Variants in ZNF281 observed in about 807,000 individuals in gnomAD.
The protein encoded by ZNF281 is GC-box-binding zinc finger protein 1.
In ZNF281, 2 loss-of-function variants were observed where a neutral mutation model predicts 58.8. That is an observed-to-expected ratio of 0.03 (90% confidence interval 0.01 to 0.11). The LOEUF is 0.11. Ranked by LOEUF, ZNF281 falls within the 10% of genes least tolerant of loss-of-function variation. The pLI is 1.00. For synonymous variants in ZNF281, 465 were observed against 407.7 expected, an observed-to-expected ratio of 1.14 and a Z score of -1.69; for missense variants, 975 against 1,090.7, an observed-to-expected ratio of 0.89 and a Z score of 1.49.
Position 200,406,332 on chromosome 1 carries a change from T to G in ZNF281, c.*686A>C, listed in dbSNP as rs1654449717. 1 of 152,472 alleles carries G rather than the reference T, an allele frequency of 6.6e-6. No homozygotes were observed. The highest frequency in any genetic ancestry group is 2.1e-4 in the South Asian group (1 of 4,828). The allele number at this position is 152,472 out of a possible 1,614,324, so 9.4% of individuals were successfully genotyped here. On this transcript the variant is annotated 3_prime_UTR_variant, in exon 2 of 2. Transcript: ENST00000367353. ...TATCATTCCAGGCTTTGATCAAAGATCCAAGAATATTTGTTCTACCAGGCT... is the reference window on the plus strand; with the variant it reads ...TATCATTCCAGGCTTTGATCAAAGAGCCAAGAATATTTGTTCTACCAGGCT...
chr1:200,407,319 T>A lies in ZNF281; in HGVS notation c.2387A>T (p.Asn796Ile). 1 of 1,614,092 alleles carries A rather than the reference T, an allele frequency of 6.2e-7. No individual in the cohort carries two copies. Among genetic ancestry groups the A allele is most frequent in the Non-Finnish European group, 8.5e-7 (1 of 1,180,034 alleles). Residue 796 changes from asparagine to isoleucine, a missense_variant, in exon 2 of 2, where the codon AAC becomes ATC. Physicochemically the swap from Asn to Ile is moderately radical, Grantham distance 149 (BLOSUM62 -3). Around this residue, in one of 3 missense-constraint regions of ZNF281, gnomAD observed 579 missense variants for 608.9 expected, o/e 0.95. Transcript: ENST00000367353. ...QKLTSQKEQK[N>I]LESSTGFQIP... is the part of the protein sequence containing the mutation. Reference sequence around the variant, plus strand: ...CTGAAAGCCTGTTGAAGACTCTAAGTTTTTCTGTTCCTTCTGGCTAGTCAA... The same window carrying A: ...CTGAAAGCCTGTTGAAGACTCTAAGATTTTCTGTTCCTTCTGGCTAGTCAA...
At chr1:200,409,907 C>G (rs1654575496) in intron 1 of ZNF281, 39 bp downstream of exon 1, 1 of 781,984 alleles carries the variant, frequency 1.3e-6, no homozygotes, top group Non-Finnish European at 2.0e-6. Context: ...CTTCCCCAGG[C>G]CTCGCCCTCT....
intron 1 of ZNF281, 104 bp downstream of exon 1, chr1:200,409,842 A>T (rs1654574105): frequency 7.5e-7 from 1 of 1,327,958 alleles, no homozygotes; most frequent in Non-Finnish European, 1.0e-6. Context: ...CAACGCGCCC[A>T]GCACTAATTC....
At position 200,406,950 on chromosome 1, in the gene ZNF281, A is replaced by C. The variant is rs1654467651; in HGVS notation, c.*68T>G. On this transcript the variant is annotated 3_prime_UTR_variant, in exon 2 of 2. Transcript: ENST00000367353. The stretch of plus-strand genomic sequence containing the variant: ...TAATAGGATCGTGTAGAAACATTCC[A>C]ATGGCAGTGTTCTCAAAATAAAACA... 4.1e-6 allele frequency: 6 copies of C among 1,448,132 alleles called. No homozygotes were observed. The South Asian group carries it at 6.8e-5, about 16-fold the overall frequency. The allele number at this position is 1,448,132 out of a possible 1,614,324, so 89.7% of individuals were successfully genotyped here.
In ZNF281 at chr1:200,407,001, T is replaced by C. The variant is rs748135498; in HGVS notation, c.*17A>G. ...AAATTACATTAGAAGACCTCCAGCC[T>C]GGCCACTTTTGGGACCTTACCTGTA... On this transcript the variant is annotated 3_prime_UTR_variant, in exon 2 of 2. Transcript: ENST00000367353. 1.9e-6 allele frequency: 3 copies of C among 1,588,638 alleles called. No individual in the cohort carries two copies. Among genetic ancestry groups the C allele is most frequent in the Non-Finnish European group, 1.7e-6 (2 of 1,168,918 alleles).
chr1:200,408,513 T>C lies in ZNF281; in HGVS notation c.1193A>G (p.Asn398Ser), dbSNP rs1401726570. Residue 398 changes from asparagine to serine, a missense_variant, in exon 2 of 2, where the codon AAT becomes AGT. This residue lies in a region of ZNF281 where 579 missense variants were observed against 608.9 expected (regional missense o/e 0.95). Transcript: ENST00000367353. ...MGNLAVLSQG[N>S]TSSSRRKTKS... ...TGTTTTTCTCCTTGAAGAACTTGTA[T>C]TTCCCTGAGACAACACAGCCAGATT... The C allele has an allele frequency of 6.2e-7, 1 of 1,614,124 alleles. No homozygotes were observed. The highest frequency in any genetic ancestry group is 1.3e-5 in the African/African-American group (1 of 74,940).
rs1654579515 is a variant in ZNF281, at chr1:200,410,014, G to A, written c.-87C>T. ...AAATAACGCCGTCCTCTCCACAATG[G>A]AATTAAAAGCCTCCCGTGTACTGCG... is the stretch of plus-strand genomic sequence containing the variant. On this transcript the variant is annotated 5_prime_UTR_variant, in exon 1 of 2. Transcript: ENST00000367353. The A allele has an allele frequency of 5.7e-6, 3 of 524,326 alleles. No individual in the cohort carries two copies. The highest frequency in any genetic ancestry group is 1.0e-5 in the Non-Finnish European group (3 of 295,092). The allele number at this position is 524,326 out of a possible 1,614,324, so 32.5% of individuals were successfully genotyped here.
Position 200,409,382 on chromosome 1 carries a change from G to C in ZNF281, c.324C>G (p.Ala108=). The C allele has an allele frequency of 6.6e-7, 1 of 1,524,376 alleles. No homozygotes were observed. Among genetic ancestry groups the C allele is most frequent in the African/African-American group, 1.4e-5 (1 of 71,816 alleles). 94.4% of individuals were successfully genotyped at this position (1,524,376 alleles called of 1,614,324 possible). The part of the protein sequence containing the change: ...MTFKKEPAAS[A]AAFPSQRTSW... Reference sequence around the variant, plus strand: ...AGGTCCTCTGCGAGGGGAAGGCCGCGGCTGACGCCGCCGGCTCCTTCTTGA... The same window carrying C: ...AGGTCCTCTGCGAGGGGAAGGCCGCCGCTGACGCCGCCGGCTCCTTCTTGA... Residue 108 remains alanine (A), a synonymous_variant, in exon 2 of 2, where the codon GCC becomes GCG. Coordinates refer to ENST00000367353, the MANE Select transcript of ZNF281 (RefSeq NM_001281293.2).
chr1:200,409,940 A>C lies in ZNF281; in HGVS notation c.-19+6T>G. 1 of 478,366 alleles carries C rather than the reference A, an allele frequency of 2.1e-6. No individual in the cohort carries two copies. The highest frequency in any genetic ancestry group is 3.5e-6 in the Non-Finnish European group (1 of 284,902). The allele number at this position is 478,366 out of a possible 1,614,324, so 29.6% of individuals were successfully genotyped here. A position where few individuals can be genotyped will look rare whatever the true frequency, so the allele number is the denominator to read the frequency against. On this transcript the variant is annotated splice_donor_region_variant and intron_variant, in intron 1 of 1. Coordinates refer to ENST00000367353, the MANE Select transcript of ZNF281 (RefSeq NM_001281293.2). Reference sequence around the variant, plus strand: ...TCTCCCTCCTGGACCCACCGGCAATACTTACGGGTCCCGCCGCCGCCGCAG... The same window carrying C: ...TCTCCCTCCTGGACCCACCGGCAATCCTTACGGGTCCCGCCGCCGCCGCAG...
rs1242103203 is a variant in ZNF281 at position 200,408,028 on chromosome 1, T to C, written c.1678A>G (p.Met560Val). Reference sequence around the variant, plus strand: ...TGAATGACAGACTGTTGGGAGACCATGTGTCCTACGTTTATAGAAAAGGCA... The same window carrying C: ...TGAATGACAGACTGTTGGGAGACCACGTGTCCTACGTTTATAGAAAAGGCA... ...NSAFSINVGH[M>V]VSQQSVIQSA... Residue 560 changes from methionine (M) to valine (V), a missense_variant, in exon 2 of 2, where the codon ATG becomes GTG. By Grantham distance (21) the Met-to-Val change is conservative (BLOSUM62 1). Coordinates refer to ENST00000367353, the MANE Select transcript of ZNF281 (RefSeq NM_001281293.2). 1.2e-6 allele frequency: 2 copies of C among 1,614,224 alleles called. No homozygotes were observed. The highest frequency in any genetic ancestry group is 1.7e-6 in the Non-Finnish European group (2 of 1,180,024).
rs1013458489 is a variant in ZNF281 at position 200,409,509 on chromosome 1, G to A, written c.197C>T (p.Pro66Leu). 5.8e-6 allele frequency: 9 copies of A among 1,549,390 alleles called. No individual in the cohort carries two copies. In the Admixed American group the frequency reaches 5.9e-5, roughly 10 times the overall value. ...CGGGGGAGGGGCGGCCGACCCCGCC[G>A]GCCGGGTGAAGCTGGTGACCGGGGG... is the stretch of plus-strand genomic sequence containing the variant. ...RLPPVTSFTR[P>L]AGSAAPPPQC... Residue 66 changes from proline to leucine, a missense_variant, in exon 2 of 2, where the codon CCG becomes CTG. Transcript: ENST00000367353.
chr1:200,409,808 C>T, intron 1 of ZNF281, 85 bp from the exon 2 acceptor site: 1 of 1,452,578 alleles, frequency 6.9e-7, no homozygotes, highest in South Asian at 1.4e-5. Flanking sequence ...CGCTAAGGAC[C>T]CCGCCGCGCC....
In ZNF281 at chr1:200,407,913, T is replaced by A. The variant is rs749404520; in HGVS notation, c.1793A>T (p.Asp598Val). 1 of 1,614,154 alleles carries A rather than the reference T, an allele frequency of 6.2e-7. No homozygotes were observed. Among genetic ancestry groups the A allele is most frequent in the Non-Finnish European group, 8.5e-7 (1 of 1,180,028 alleles). Residue 598 changes from aspartate (D) to valine (V), a missense_variant, in exon 2 of 2, where the codon GAC (aspartate) becomes GTC (valine). Physicochemically the swap from Asp to Val is radical, Grantham distance 152 (BLOSUM62 -3). Around this residue, in one of 3 missense-constraint regions of ZNF281, gnomAD observed 579 missense variants for 608.9 expected, o/e 0.95. Transcript: ENST00000367353. ...AACCTCATCAGGAATTCCAGACTTG[T>A]CATGACAAGATTTAATTTCAGCATT... ...ALNAEIKSCH[D>V]KSGIPDEVLQ...
rs1194022543 is a variant in ZNF281 at position 200,409,080 on chromosome 1, G to A, written c.626C>T (p.Thr209Ile). The change falls in exon 2 of 2, where the codon ACT becomes ATT. Residue 209 changes from threonine (T) to isoleucine (I), a missense_variant. Physicochemically the swap from Thr to Ile is moderately conservative, Grantham distance 89. Transcript: ENST00000367353. Reference sequence around the variant, plus strand: ...ATTAGTGTCCTGCTTTGGCTCCTCAGTGCCATGGTGGTCATCAGTCCTGCT... The same window carrying A: ...ATTAGTGTCCTGCTTTGGCTCCTCAATGCCATGGTGGTCATCAGTCCTGCT... The part of the protein sequence containing the change: ...SSSRTDDHHG[T>I]EEPKQDTNVK... 7 of 1,614,032 alleles carry A rather than the reference G, an allele frequency of 4.3e-6. No homozygotes were observed. The highest frequency in any genetic ancestry group is 5.1e-6 in the Non-Finnish European group (6 of 1,180,034).
At position 200,408,922 on chromosome 1, in the gene ZNF281, T is replaced by C. The variant is rs1338507519; in HGVS notation, c.784A>G (p.Ile262Val). 1.2e-6 allele frequency: 2 copies of C among 1,614,128 alleles called. No homozygotes were observed. Among genetic ancestry groups the C allele is most frequent in the South Asian group, 1.1e-5 (1 of 91,086 alleles). Residue 262 changes from isoleucine (I) to valine (V), a missense_variant, in exon 2 of 2, where the codon ATC (isoleucine) becomes GTC (valine). Transcript: ENST00000367353. ...AILSPSQKPH[I>V]CDHCSAAFRS... The stretch of plus-strand genomic sequence containing the variant: ...AAAGCAGCACTACAGTGATCACAGA[T>C]ATGAGGTTTCTGACTTGGGGAGAGG...
Position 200,409,133 on chromosome 1 carries a change from G to A in ZNF281, c.573C>T (p.His191=). The change falls in exon 2 of 2, where the codon CAC becomes CAT. Residue 191 remains histidine, a synonymous_variant. Transcript: ENST00000367353. ...TGCTGCTGAGTAATACGTCACGGTG[G>A]TGCTGGGCTGGTTGCTGCTGGACAT... ...HQHVQQQPAQ[H]HRDVLLSSSS... 6.2e-7 allele frequency: 1 copy of A among 1,614,222 alleles called. No homozygotes were observed. The highest frequency in any genetic ancestry group is 2.2e-5 in the East Asian group (1 of 44,888).
chr1:200,407,819 T>C lies in ZNF281; in HGVS notation c.1887A>G (p.Ala629=). Residue 629 remains alanine, a synonymous_variant, in exon 2 of 2, where the codon GCA becomes GCG. Transcript: ENST00000367353. ...ESQKEDPFNI[A]EPRVDLHTSG... is the part of the protein sequence containing the mutation. Reference sequence around the variant, plus strand: ...AGGTGTGTAAATCCACTCGTGGTTCTGCAATATTGAAAGGATCCTCTTTCT... The same window carrying C: ...AGGTGTGTAAATCCACTCGTGGTTCCGCAATATTGAAAGGATCCTCTTTCT... The C allele has an allele frequency of 6.2e-7, 1 of 1,614,204 alleles. No individual in the cohort carries two copies.
At position 200,409,644 on chromosome 1, in the gene ZNF281, C is replaced by T. The variant is rs1415021890; in HGVS notation, c.62G>A (p.Gly21Asp). Residue 21 changes from glycine to aspartate, a missense_variant, in exon 2 of 2, where the codon GGC becomes GAC. Around this residue, in one of 3 missense-constraint regions of ZNF281, gnomAD observed 370 missense variants for 360.9 expected, o/e 1.03. Coordinates refer to ENST00000367353, the MANE Select transcript of ZNF281 (RefSeq NM_001281293.2). Reference sequence around the variant, plus strand: ...GCCGCCACTACCACCGCCGCCGGAGCCGCTACCACCGCTACTGCCGGTACC... The same window carrying T: ...GCCGCCACTACCACCGCCGCCGGAGTCGCTACCACCGCTACTGCCGGTACC... ...GGGTGSSGGS[G>D]SGGGGSGGGG... 5.8e-6 allele frequency: 9 copies of T among 1,551,714 alleles called. No homozygotes were observed. Among genetic ancestry groups the T allele is most frequent in the Admixed American group, 3.9e-5 (2 of 51,652 alleles).
In ZNF281 at chr1:200,409,020, T is replaced by C. The variant is rs1415908395; in HGVS notation, c.686A>G (p.Gln229Arg). ...KKAKRPKPESQGIKAKRKPSA... is the reference protein window; with the variant it reads ...KKAKRPKPESRGIKAKRKPSA... ...TGGCTTCCTCTTGGCTTTGATTCCC[T>C]GAGATTCTGGCTTTGGCCTTTTTGC... Residue 229 changes from glutamine (Q) to arginine (R), a missense_variant, in exon 2 of 2, where the codon CAG becomes CGG. Transcript: ENST00000367353. 1 of 1,612,802 alleles carries C rather than the reference T, an allele frequency of 6.2e-7. No individual in the cohort carries two copies. Among genetic ancestry groups the C allele is most frequent in the Non-Finnish European group, 8.5e-7 (1 of 1,178,734 alleles).
Sources: allele counts gnomAD v4.1 joint callset, GRCh38; gene constraint gnomAD v4.1.1; regional missense constraint gnomAD v4.1.1; transcripts MANE v1.5; gene names NCBI Gene and HGNC (gene_info 2026-07-23, HGNC 2026-07-21).